TJP1: variants seen among roughly 807,000 people sequenced by gnomAD.
TJP1 encodes the protein tight junction protein ZO-1.
In TJP1, 43 loss-of-function variants were observed where a neutral mutation model predicts 194.2. The ratio of observed to expected loss-of-function variants is 0.22; its 90% CI spans 0.17 to 0.29. The LOEUF is 0.29. Ranked by LOEUF, TJP1 falls within the 10% of genes least tolerant of loss-of-function variation. TJP1 has a pLI of 1.00. For synonymous variants in TJP1, 801 were observed against 779.0 expected (o/e 1.03, Z -0.47); for missense variants, 1,971 against 2,185.7 (o/e 0.90, Z 1.96).
chr15:29,711,124 T>C lies in TJP1; in HGVS notation c.4203-124A>G, dbSNP rs1479731838. 8 of 1,127,596 alleles carry C rather than the reference T, an allele frequency of 7.1e-6. No individual in the cohort carries two copies. The Admixed American group carries it at 1.1e-4, about 16-fold the overall frequency. The allele number at this position is 1,127,596 out of a possible 1,614,324, so 69.8% of individuals were successfully genotyped here. A position where few individuals can be genotyped will look rare whatever the true frequency, so the allele number is the denominator to read the frequency against. ...CTAGAAATTTCACAATTTATTCTCA[T>C]GAGTATGGGTAGCTACTCTACCAAA... On this transcript the variant is annotated intron_variant, in intron 23 of 27. Coordinates refer to ENST00000614355, the MANE Select transcript of TJP1 (RefSeq NM_001330239.4).
chr15:29,919,928 G>A (rs1447167592), intron 2 of TJP1, among the ~76,000 whole-genome samples: 1 of 152,194 alleles, frequency 6.6e-6, no homozygotes, highest in African/African-American at 2.4e-5. Flanking sequence ...GACTCTGCAA[G>A]AGAGATGGGA....
intron 2 of TJP1, among the ~76,000 whole-genome samples, chr15:29,843,258 G>A (rs2051294467): frequency 6.6e-6 from 1 of 150,628 alleles, no homozygotes; most frequent in Non-Finnish European, 1.5e-5. Flanking sequence ...GCGCAATCTC[G>A]GCTCACTGCA....
At chr15:29,798,774 C>G (rs145279313) in intron 2 of TJP1, among the ~76,000 whole-genome samples, 31 of 152,286 alleles carry the variant, frequency 2.0e-4, no homozygotes, top group African/African-American at 7.0e-4. Context: ...TATACCACAA[C>G]TGGAGAACGA....
At chr15:29,892,162 T>C (rs1375503612) in intron 2 of TJP1, among the ~76,000 whole-genome samples, 1 of 152,184 alleles carries the variant, frequency 6.6e-6, no homozygotes, top group African/African-American at 2.4e-5. Context: ...GTGGTCTGGA[T>C]AGAAGATCAA....
chr15:29,959,507 T>A (rs979825963), intron 1 of TJP1, among the ~76,000 whole-genome samples: 4 of 152,116 alleles, frequency 2.6e-5, no homozygotes, highest in Non-Finnish European at 5.9e-5. Context: ...ATTTCCCCAC[T>A]GCGACTACTG....
chr15:29,933,095 C>T lies in TJP1; in HGVS notation c.306+23137G>A, dbSNP rs562749006. On this transcript the variant is annotated intron_variant, in intron 2 of 28. Transcript: ENST00000356107. Reference sequence around the variant, plus strand: ...AAATCCCTCATGCATCACACACACACATTTTGTCAATATTTTGGATTTTTT... The same window carrying T: ...AAATCCCTCATGCATCACACACACATATTTTGTCAATATTTTGGATTTTTT... 4.2e-4 allele frequency among the ~76,000 whole-genome samples: 64 copies of T among 152,160 alleles called. 1 individual carries two copies. The highest frequency in any genetic ancestry group is 7.8e-4 in the Non-Finnish European group (53 of 68,008).
At chr15:29,891,398 GA>G (rs2053303591) in intron 2 of TJP1, among the ~76,000 whole-genome samples, 1 of 152,104 alleles carries the variant, frequency 6.6e-6, no homozygotes, top group African/African-American at 2.4e-5. Flanking sequence ...AATGTGAACT[GA>G]AAAAAGGGGA....
At chr15:29,954,080 AAAG>A (rs2055854212) in intron 2 of TJP1, among the ~76,000 whole-genome samples, 1 of 152,216 alleles carries the variant, frequency 6.6e-6, no homozygotes, top group Non-Finnish European at 1.5e-5. Context: ...CATCAAAAAG[AAAG>A]AAATTAATTC....
chr15:29,876,272 C>A (rs1049677083), intron 2 of TJP1, among the ~76,000 whole-genome samples: 1 of 152,190 alleles, frequency 6.6e-6, no homozygotes, highest in South Asian at 2.1e-4. Context: ...GTAATCCCAG[C>A]ACTTTGGGAG....
At chr15:29,745,645 A>C (rs952007688) in intron 8 of TJP1, among the ~76,000 whole-genome samples, 5 of 152,208 alleles carry the variant, frequency 3.3e-5, no homozygotes, top group Non-Finnish European at 7.3e-5. Flanking sequence ...ATTTTGAACA[A>C]CACAAACACA....
chr15:29,925,520 C>T (rs972314729), intron 2 of TJP1, among the ~76,000 whole-genome samples: 1 of 152,194 alleles, frequency 6.6e-6, no homozygotes, highest in South Asian at 2.1e-4. Flanking sequence ...CCTGAGTTTC[C>T]TCATCTTCAA....
chr15:29,708,885 G>C lies in TJP1; in HGVS notation c.4524C>G (p.Ala1508=), dbSNP rs1450327062. 6 of 1,614,068 alleles carry C rather than the reference G, an allele frequency of 3.7e-6. No homozygotes were observed. The highest frequency in any genetic ancestry group is 5.1e-6 in the Non-Finnish European group (6 of 1,180,024). Reference sequence around the variant, plus strand: ...GAGTCTGTTCAGTTCCATTAACTGGGGCTTTATCTGGAAAACTTTTCTGGG... The same window carrying C: ...GAGTCTGTTCAGTTCCATTAACTGGCGCTTTATCTGGAAAACTTTTCTGGG... The part of the protein sequence containing the change: ...FYPQKSFPDK[A]PVNGTEQTQK... Residue 1508 remains alanine, a synonymous_variant, in exon 25 of 28, where the codon GCC becomes GCG. Coordinates refer to ENST00000614355, the MANE Select transcript of TJP1 (RefSeq NM_001330239.4).
chr15:29,721,783 G>A (rs1028114615), intron 18 of TJP1, among the ~76,000 whole-genome samples: 1 of 152,246 alleles, frequency 6.6e-6, no homozygotes, highest in African/African-American at 2.4e-5. Flanking sequence ...AGTCCAGGCT[G>A]TGGAGGTCTC....
intron 2 of TJP1, among the ~76,000 whole-genome samples, chr15:29,788,476 A>C (rs2047849971): frequency 6.6e-6 from 1 of 152,114 alleles, no homozygotes; most frequent in African/African-American, 2.4e-5. Flanking sequence ...TTTAAACTTA[A>C]TTTTTGTAAA....
At chr15:29,730,174 A>G (rs2043529515) in intron 15 of TJP1, among the ~76,000 whole-genome samples, 1 of 152,210 alleles carries the variant, frequency 6.6e-6, no homozygotes, top group South Asian at 2.1e-4. Context: ...ATATGCTTAA[A>G]AGAGTGGAAG....
At chr15:29,929,750 A>G (rs1291435702) in intron 2 of TJP1, among the ~76,000 whole-genome samples, 2 of 152,130 alleles carry the variant, frequency 1.3e-5, no homozygotes, top group African/African-American at 4.8e-5. Flanking sequence ...AGAAGTCAGA[A>G]AAAGAACAAG....
At chr15:29,717,684 C>A (rs1288375484) in intron 22 of TJP1, among the ~76,000 whole-genome samples, 1 of 152,220 alleles carries the variant, frequency 6.6e-6, no homozygotes, top group Non-Finnish European at 1.5e-5. Context: ...TTCCTCACCA[C>A]TGGAAACTAA....
At chr15:29,950,171 A>AC (rs2055673421) in intron 2 of TJP1, among the ~76,000 whole-genome samples, 1 of 92,854 alleles carries the variant, frequency 1.1e-5, no homozygotes, top group Non-Finnish European at 2.2e-5. Context: ...CACCACAACC[A>AC]CTACCTCCAC....
chr15:29,738,865 T>TGAAAAAA (rs370895850), intron 10 of TJP1, among the ~76,000 whole-genome samples: 1 of 48,864 alleles, frequency 2.0e-5, no homozygotes, highest in Non-Finnish European at 3.3e-5. Flanking sequence ...CTGTCACTAC[T>TGAAAAAA]AAAAAAAAAA....
Sources: gnomAD v4.1 joint callset for allele counts (sites outside exome capture counted in the v4.1 genomes callset) on GRCh38, gnomAD v4.1.1 for gene constraint, MANE v1.5 for transcripts, NCBI Gene and HGNC (gene_info 2026-07-23, HGNC 2026-07-21) for gene names.